Variants in TCF4 observed in about 807,000 individuals in gnomAD.
TCF4 encodes the protein transcription factor 4, also known as SL3-3 enhancer factor 2.
Under a neutral mutation model 82.1 loss-of-function variants are expected in TCF4, and 3 were observed. The observed-to-expected ratio is 0.04, with a 90% CI of 0.02 to 0.09. The LOEUF (loss-of-function observed/expected upper bound fraction) is 0.09, where lower values mean the gene tolerates loss of function less well. Among genes scored for constraint, TCF4 ranks in the 10% least tolerant of loss-of-function variants. The probability of loss-of-function intolerance (pLI) is 1.00; values close to 1 mark genes in which losing one functional copy is unlikely to be tolerated. For synonymous variants in TCF4, 276 were observed against 309.6 expected (o/e 0.89, Z 1.14); for missense variants, 518 against 852.7 (o/e 0.61, Z 4.89).
chr18:55,621,379 G>A (rs981294303), intron 2 of TCF4, among the ~76,000 whole-genome samples: 9 of 125,900 alleles, frequency 7.1e-5, no homozygotes, highest in Non-Finnish European at 1.1e-4. Flanking sequence ...TAAACTTATG[G>A]GGTACTGCCT....
At chr18:55,612,023 G>T (rs909511447) in intron 2 of TCF4, among the ~76,000 whole-genome samples, 1 of 152,108 alleles carries the variant, frequency 6.6e-6, no homozygotes, top group African/African-American at 2.4e-5. Context: ...CACCCGCCTT[G>T]GCCTCCCAAA....
intron 8 of TCF4, chr18:55,332,260 A>C (rs2077716822): frequency 6.6e-6 from 1 of 152,098 alleles, no homozygotes; most frequent in South Asian, 2.1e-4. Context: ...CCACATATTT[A>C]ACTTCTTATT....
At chr18:55,291,968 T>C (rs2146619559) in intron 8 of TCF4, among the ~76,000 whole-genome samples, 1 of 152,298 alleles carries the variant, frequency 6.6e-6, no homozygotes, top group South Asian at 2.1e-4. Context: ...AGTTATCCTA[T>C]AGGGTTATTC....
In TCF4 at chr18:55,582,599, T is replaced by C. The variant is rs530191433; in HGVS notation, c.145+2681A>G. On this transcript the variant is annotated intron_variant, in intron 3 of 19. Transcript: ENST00000354452. ...TTTCTTAAGGTGGTAGGAAAAACCA[T>C]GTTTGTGAAATGAAAGATTAAAGGG... Among the ~76,000 whole-genome samples, 5 of 152,260 alleles carry C rather than the reference T, an allele frequency of 3.3e-5. No homozygotes were observed. The East Asian group carries it at 7.7e-4, about 24-fold the overall frequency.
intron 16 of TCF4, among the ~76,000 whole-genome samples, chr18:55,233,333 G>A (rs2048415410): frequency 6.6e-6 from 1 of 152,140 alleles, no homozygotes; most frequent in South Asian, 2.1e-4. Flanking sequence ...TGTAATCTGT[G>A]TATTCTAGAA....
chr18:55,450,418 A>G (rs557931135), intron 5 of TCF4, among the ~76,000 whole-genome samples: 13 of 152,246 alleles, frequency 8.5e-5, no homozygotes, highest in Non-Finnish European at 1.5e-4. Context: ...TTAACCACTT[A>G]GAAATAAATT....
chr18:55,590,484 C>G (rs374053264), upstream of TCF4, among the ~76,000 whole-genome samples: 19 of 152,332 alleles, frequency 1.2e-4, no homozygotes, highest in East Asian at 1.7e-3. Flanking sequence ...CTGACTCAAC[C>G]CATTTCTGGC....
chr18:55,372,282 C>T (rs2089462775), intron 6 of TCF4, among the ~76,000 whole-genome samples: 2 of 151,488 alleles, frequency 1.3e-5, no homozygotes, highest in South Asian at 2.1e-4. Context: ...ATTTGCTCTA[C>T]AGAGGAAAAA....
intron 3 of TCF4, among the ~76,000 whole-genome samples, chr18:55,504,420 T>C (rs1412260103): frequency 6.6e-6 from 1 of 152,232 alleles, no homozygotes; most frequent in Non-Finnish European, 1.5e-5. Context: ...GAAATCCTAC[T>C]AATATTTGAG....
intron 11 of TCF4, chr18:55,268,962 G>A (rs1048994032): frequency 6.6e-6 from 1 of 152,148 alleles, no homozygotes; most frequent in African/African-American, 2.4e-5. Context: ...ACTAAGCTGT[G>A]CTGCTCATCT....
intron 15 of TCF4, among the ~76,000 whole-genome samples, chr18:55,250,417 C>T (rs916210422): frequency 6.6e-6 from 1 of 152,220 alleles, no homozygotes; most frequent in African/African-American, 2.4e-5. Context: ...TTGAAAATCA[C>T]AAGCTCCTAG....
chr18:55,528,118 T>C (rs2097012970), intron 3 of TCF4, among the ~76,000 whole-genome samples: 1 of 152,150 alleles, frequency 6.6e-6, no homozygotes, highest in Non-Finnish European at 1.5e-5. Context: ...AGTTGAAAAA[T>C]CTGTCATAGA....
At chr18:55,496,418 A>C (rs1185401469) in intron 3 of TCF4, 1 of 151,874 alleles carries the variant, frequency 6.6e-6, no homozygotes, top group Non-Finnish European at 1.5e-5. Context: ...AAAAAAAAAA[A>C]AAACCAGAAG....
At chr18:55,254,261 G>A (rs1347779423) in intron 15 of TCF4, among the ~76,000 whole-genome samples, 1 of 152,168 alleles carries the variant, frequency 6.6e-6, no homozygotes, top group Non-Finnish European at 1.5e-5. Flanking sequence ...GGGCAACGGG[G>A]ATTCTTTTCT....
rs149551642 is a variant in TCF4 at position 55,256,910 on chromosome 18, G to A, written c.1146+405C>T. ...CCACTGGGTTTCTACGAGAAGGAAA[G>A]CTCCTGTAAACCTGTTATTCTGGAA... is the stretch of plus-strand genomic sequence containing the variant. On this transcript the variant is annotated intron_variant, in intron 14 of 19. Transcript: ENST00000354452. 3.9e-5 allele frequency among the ~76,000 whole-genome samples: 6 copies of A among 152,262 alleles called. No individual in the cohort carries two copies. The East Asian group carries it at 1.2e-3, about 29-fold the overall frequency.
chr18:55,302,519 C>G (rs1467049443), intron 8 of TCF4: 5 of 1,535,878 alleles, frequency 3.3e-6, no homozygotes, highest in Non-Finnish European at 4.4e-6. Flanking sequence ...TCAGACATGG[C>G]TGACAGCATC....
intron 6 of TCF4, among the ~76,000 whole-genome samples, chr18:55,383,380 A>G (rs1490712910): frequency 4.6e-5 from 7 of 152,306 alleles, no homozygotes; most frequent in Admixed American, 4.6e-4. Context: ...GTTCAAATAA[A>G]TGCAAAGATG....
intron 3 of TCF4, among the ~76,000 whole-genome samples, chr18:55,471,820 A>C (rs2096189098): frequency 2.0e-5 from 3 of 151,846 alleles, no homozygotes; most frequent in Non-Finnish European, 4.4e-5. Flanking sequence ...TGGGCTTTCC[A>C]TTTTCAGATG....
intron 1 of TCF4, among the ~76,000 whole-genome samples, chr18:55,632,633 C>T (rs1004764893): frequency 1.3e-5 from 2 of 152,324 alleles, no homozygotes; most frequent in East Asian, 3.9e-4. Context: ...GAAGACTTCT[C>T]ATGATCAGCA....
Sources: gnomAD v4.1 joint callset for allele counts (sites outside exome capture counted in the v4.1 genomes callset) on GRCh38, gnomAD v4.1.1 for gene constraint, MANE v1.5 for transcripts, NCBI Gene and HGNC (gene_info 2026-07-23, HGNC 2026-07-21) for gene names.